The following CRISP2 variants were observed in gnomAD, a reference collection of about 807,000 sequenced individuals.
CRISP2 encodes the protein cysteine rich secretory protein 2.
A neutral mutation model predicts 31.7 loss-of-function variants in CRISP2; 29 were observed. The observed-to-expected ratio is 0.92, with a 90% CI of 0.68 to 1.25. CRISP2 has a LOEUF of 1.25. Among genes scored for constraint, CRISP2 ranks in the 50% most tolerant of loss-of-function variants. CRISP2 has a pLI of 0.00. For synonymous variants in CRISP2, 111 were observed against 101.4 expected, an observed-to-expected ratio of 1.09 and a Z score of -0.57; for missense variants, 318 against 286.5, an observed-to-expected ratio of 1.11 and a Z score of -0.79.
chr6:49,680,578 A>G, the CRISP2 span, among the ~76,000 whole-genome samples: 1 of 152,194 alleles, frequency 6.6e-6, no homozygotes, highest in Non-Finnish European at 1.5e-5. Context: ...GAATTGCCAC[A>G]CTGTCATCTA....
downstream of CRISP2, among the ~76,000 whole-genome samples, chr6:49,691,595 A>G (rs919722261): frequency 6.6e-6 from 1 of 151,942 alleles, no homozygotes; most frequent in African/African-American, 2.4e-5. Context: ...ATCTCTCTCT[A>G]TATATTTTTT....
At chr6:49,700,899 A>T in intron 4 of CRISP2, 115 bp from the exon 5 acceptor site, 1 of 603,594 alleles carries the variant, frequency 1.7e-6, no homozygotes. Context: ...AATAGTTATC[A>T]TGTACATATA....
At chr6:49,700,403 A>G (rs1034928282) in intron 5 of CRISP2, among the ~76,000 whole-genome samples, 2 of 152,174 alleles carry the variant, frequency 1.3e-5, no homozygotes, top group African/African-American at 4.8e-5. Context: ...AATTAACAAA[A>G]AGTGTAATGG....
intron 6 of CRISP2, among the ~76,000 whole-genome samples, chr6:49,698,760 CT>C (rs2127399708): frequency 6.6e-6 from 1 of 152,208 alleles, no homozygotes; most frequent in African/African-American, 2.4e-5. Context: ...TAAAAATGCC[CT>C]TGCATGCTAA....
chr6:49,692,704 C>A lies in CRISP2; in HGVS notation c.*69G>T. Reference sequence around the variant, plus strand: ...TTGTCACTAACATACATACAATTTCCACTGGTATGTCGCAATTAAATGATG... The same window carrying A: ...TTGTCACTAACATACATACAATTTCAACTGGTATGTCGCAATTAAATGATG... On this transcript the variant is annotated 3_prime_UTR_variant, in exon 10 of 10. Transcript: ENST00000339139. 1 of 1,425,014 alleles carries A rather than the reference C, an allele frequency of 7.0e-7. No homozygotes were observed. The highest frequency in any genetic ancestry group is 9.5e-7 in the Non-Finnish European group (1 of 1,051,814). The allele number at this position is 1,425,014 out of a possible 1,614,324, so 88.3% of individuals were successfully genotyped here. A position where few individuals can be genotyped will look rare whatever the true frequency, so the allele number is the denominator to read the frequency against.
chr6:49,685,709 C>T, the CRISP2 span, among the ~76,000 whole-genome samples: 1 of 152,090 alleles, frequency 6.6e-6, no homozygotes, highest in Non-Finnish European at 1.5e-5. Context: ...TTTATCTTTA[C>T]CTAGAAGGAA....
chr6:49,690,742 C>A (rs1764023410), downstream of CRISP2, among the ~76,000 whole-genome samples: 1 of 151,884 alleles, frequency 6.6e-6, no homozygotes, highest in South Asian at 2.1e-4. Context: ...ATATCAAAAT[C>A]GTCATTAACA....
chr6:49,696,026 A>C (rs1335464663), intron 8 of CRISP2, 102 bp from the exon 9 acceptor site: 1 of 653,968 alleles, frequency 1.5e-6, no homozygotes, highest in Non-Finnish European at 2.5e-6. Flanking sequence ...CAGGGTTTTT[A>C]GTATGTTAAC....
At chr6:49,683,590 C>T in the CRISP2 span, among the ~76,000 whole-genome samples, 8 of 137,494 alleles carry the variant, frequency 5.8e-5, no homozygotes, top group South Asian at 2.5e-4. Flanking sequence ...CTTGAACTGG[C>T]GGGATGGAGG....
In CRISP2 at chr6:49,695,873, A is replaced by T. The variant is rs1425483577; in HGVS notation, c.567T>A (p.Cys189Ter). 1 of 1,613,388 alleles carries T rather than the reference A, an allele frequency of 6.2e-7. No homozygotes were observed. Among genetic ancestry groups the T allele is most frequent in the Non-Finnish European group, 8.5e-7 (1 of 1,179,610 alleles). ...TGTCACAGTCATCAGGGCAACCGGC[A>T]CAAGGTGTTCCTTGTTGGTACGGGG... ...KNTPYQQGTPCAGCPDDCDKG... is the reference protein window; with the variant it reads ...KNTPYQQGTP Residue 189 changes from cysteine to a stop codon, truncating the protein, a stop_gained, in exon 9 of 10, where the codon TGT (cysteine) becomes TGA (stop). Transcript: ENST00000339139. LOFTEE classifies it low-confidence loss of function (END_TRUNC).
At chr6:49,685,364 A>G in the CRISP2 span, among the ~76,000 whole-genome samples, 2 of 152,092 alleles carry the variant, frequency 1.3e-5, no homozygotes, top group Non-Finnish European at 2.9e-5. Context: ...CTTATTTCCT[A>G]CTTCTAAAAT....
rs79908578 is a variant in CRISP2 at position 49,698,052 on chromosome 6, T to A, written c.418-95A>T. ...CAAATATAAAACTGAAAAATGTTAG[T>A]TTTATAGACATATACCATAAAAATA... On this transcript the variant is annotated intron_variant, in intron 7 of 9. Coordinates refer to ENST00000339139, the MANE Select transcript of CRISP2 (RefSeq NM_003296.4). 254 of 975,200 alleles carry A rather than the reference T, an allele frequency of 2.6e-4. No individual in the cohort carries two copies. The East Asian group carries it at 6.1e-3, about 23-fold the overall frequency. 60.4% of individuals were successfully genotyped at this position (975,200 alleles called of 1,614,324 possible).
Position 49,709,334 on chromosome 6 carries a change from A to G in CRISP2, c.-9-129T>C, listed in dbSNP as rs1184440014. 8 of 783,446 alleles carry G rather than the reference A, an allele frequency of 1.0e-5. No individual in the cohort carries two copies. The Admixed American group carries it at 1.6e-4, about 15-fold the overall frequency. The allele number at this position is 783,446 out of a possible 1,614,324, so 48.5% of individuals were successfully genotyped here. On this transcript the variant is annotated intron_variant, in intron 3 of 9. Coordinates refer to ENST00000339139, the MANE Select transcript of CRISP2 (RefSeq NM_003296.4). ...GATTCCCAGATTCATTAACAATGGA[A>G]CAAAAGAAGAATTGCCCTATGGTAC...
In CRISP2 at chr6:49,699,947, C is replaced by T. The variant is rs140890532; in HGVS notation, c.184-56G>A. The T allele has an allele frequency of 3.4e-4, 482 of 1,415,300 alleles. 2 individuals are homozygous for T. In the African/African-American group the frequency reaches 6.0e-3, roughly 18 times the overall value. The allele number at this position is 1,415,300 out of a possible 1,614,324, so 87.7% of individuals were successfully genotyped here. On this transcript the variant is annotated intron_variant, in intron 5 of 9. Coordinates refer to ENST00000339139, the MANE Select transcript of CRISP2 (RefSeq NM_003296.4). ...AATGATTCAGCCACAATGAAACATA[C>T]ACTTTATAATCTGATTTGTAAATAC...
At chr6:49,682,689 T>C in the CRISP2 span, among the ~76,000 whole-genome samples, 1 of 149,878 alleles carries the variant, frequency 6.7e-6, no homozygotes. Context: ...TCTGTCTCTT[T>C]CTCTTTCTTT....
chr6:49,677,254 TTAAG>T, the CRISP2 span, among the ~76,000 whole-genome samples: 1 of 152,178 alleles, frequency 6.6e-6, no homozygotes, highest in Admixed American at 6.6e-5. Flanking sequence ...GTTCTTTCCA[TTAAG>T]TTTTTAGATA....
chr6:49,679,908 G>A, the CRISP2 span, among the ~76,000 whole-genome samples: 1 of 152,082 alleles, frequency 6.6e-6, no homozygotes, highest in Non-Finnish European at 1.5e-5. Flanking sequence ...TTTTCACGAT[G>A]TTGGTCAGGT....
the CRISP2 span, among the ~76,000 whole-genome samples, chr6:49,677,630 G>A: frequency 6.6e-6 from 1 of 152,010 alleles, no homozygotes; most frequent in East Asian, 1.9e-4. Context: ...CAGTCCTGTG[G>A]GAATTATTGT....
chr6:49,678,885 C>T, the CRISP2 span, among the ~76,000 whole-genome samples: 94 of 152,250 alleles, frequency 6.2e-4, no homozygotes, highest in African/African-American at 2.1e-3. Context: ...ATGATCGTAG[C>T]TACTTATGTC....
Sources: allele counts gnomAD v4.1 joint callset (sites outside exome capture counted in the v4.1 genomes callset), GRCh38; gene constraint gnomAD v4.1.1; transcripts MANE v1.5; gene names NCBI Gene and HGNC (gene_info 2026-07-23, HGNC 2026-07-21).